SCAI: variants seen among roughly 807,000 people sequenced by gnomAD.
The protein encoded by SCAI is suppressor of cancer cell invasion.
In SCAI, 24 loss-of-function variants were observed where a neutral mutation model predicts 92.2. The ratio of observed to expected loss-of-function variants is 0.26; its 90% CI spans 0.19 to 0.37. SCAI has a LOEUF of 0.37. Ranked by LOEUF, SCAI falls within the 10% of genes least tolerant of loss-of-function variation. The pLI is 1.00. For missense variants in SCAI, 450 were observed against 736.2 expected (o/e 0.61, Z 4.50); for synonymous variants, 261 against 258.6 (o/e 1.01, Z -0.09).
At chr9:125,113,902 C>T (rs539587271) in intron 2 of SCAI, among the ~76,000 whole-genome samples, 1 of 152,042 alleles carries the variant, frequency 6.6e-6, no homozygotes, top group African/African-American at 2.4e-5. Context: ...GCGGAGTCTG[C>T]GGTGAGCCGA....
chr9:125,052,851 G>A (rs1407280540), intron 3 of SCAI, among the ~76,000 whole-genome samples: 1 of 140,344 alleles, frequency 7.1e-6, no homozygotes, highest in East Asian at 2.1e-4. Flanking sequence ...CCAACATTAG[G>A]GAAATTCAAA....
chr9:124,960,211 G>A (rs1022549868), intron 17 of SCAI, among the ~76,000 whole-genome samples: 12 of 152,096 alleles, frequency 7.9e-5, no homozygotes, highest in Admixed American at 3.9e-4. Flanking sequence ...AATAAAAAGC[G>A]GTTTTATTTC....
chr9:125,084,807 A>G (rs145768951), intron 2 of SCAI, among the ~76,000 whole-genome samples: 14 of 152,346 alleles, frequency 9.2e-5, no homozygotes, highest in Admixed American at 4.6e-4. Context: ...AAAAGGGGTT[A>G]TAACATGAGA....
chr9:125,057,332 G>C (rs1001124638), intron 2 of SCAI, among the ~76,000 whole-genome samples: 1 of 151,960 alleles, frequency 6.6e-6, no homozygotes, highest in African/African-American at 2.4e-5. Context: ...AGAAATGAGG[G>C]AAATCAACTG....
chr9:124,996,324 T>TG (rs1368756640), intron 13 of SCAI, among the ~76,000 whole-genome samples: 1 of 152,084 alleles, frequency 6.6e-6, no homozygotes, highest in Non-Finnish European at 1.5e-5. Context: ...TTGTTTGAGA[T>TG]GGGGTCTCAC....
At chr9:124,965,480 C>T (rs1293153169) in intron 17 of SCAI, among the ~76,000 whole-genome samples, 1 of 152,198 alleles carries the variant, frequency 6.6e-6, no homozygotes, top group Non-Finnish European at 1.5e-5. Context: ...GGTGATCCAC[C>T]CTCTGTGGCC....
rs769224359 is a variant in SCAI at position 124,971,768 on chromosome 9, C to T, written c.1476G>A (p.Leu492=). ...PLMAFLFVSG[L]SSMRRGLWEK... ...CCCATAGGCCTCTGCGCATGCTTGA[C>T]AATCCAGAGACAAATAGGAAGGCCA... Residue 492 remains leucine, a synonymous_variant, in exon 16 of 18, where the codon TTG becomes TTA. Coordinates refer to ENST00000336505, the MANE Select transcript of SCAI (RefSeq NM_001144877.3). 1 of 1,612,510 alleles carries T rather than the reference C, an allele frequency of 6.2e-7. No homozygotes were observed. The highest frequency in any genetic ancestry group is 8.5e-7 in the Non-Finnish European group (1 of 1,179,554).
In SCAI at chr9:124,944,129, G is replaced by A. The variant is rs960123001; in HGVS notation, c.*8678C>T. 1 of 152,094 alleles carries A rather than the reference G, an allele frequency of 6.6e-6. No homozygotes were observed. The highest frequency in any genetic ancestry group is 6.5e-5 in the Admixed American group (1 of 15,274). The allele number at this position is 152,094 out of a possible 1,614,324, so 9.4% of individuals were successfully genotyped here. A position where few individuals can be genotyped will look rare whatever the true frequency, so the allele number is the denominator to read the frequency against. ...AGGTTTATTAAAAATAAGCAAAAAA[G>A]TTGGAGAACTAGCCATATGGTCTAT... On this transcript the variant is annotated 3_prime_UTR_variant, in exon 18 of 18. Coordinates refer to ENST00000336505, the MANE Select transcript of SCAI (RefSeq NM_001144877.3).
At chr9:125,104,655 G>A (rs1267235272) in intron 2 of SCAI, among the ~76,000 whole-genome samples, 7 of 148,744 alleles carry the variant, frequency 4.7e-5, no homozygotes, top group African/African-American at 1.7e-4. Context: ...TGTAATCCCA[G>A]CACTTTGGGA....
At chr9:125,007,356 A>C (rs1043148100) in intron 9 of SCAI, among the ~76,000 whole-genome samples, 1 of 152,186 alleles carries the variant, frequency 6.6e-6, no homozygotes, top group African/African-American at 2.4e-5. Context: ...AACACAAATG[A>C]AGAAATAGAG....
chr9:125,003,944 G>A (rs1473193377), intron 9 of SCAI, among the ~76,000 whole-genome samples: 1 of 152,120 alleles, frequency 6.6e-6, no homozygotes, highest in Admixed American at 6.5e-5. Context: ...GGGAGGCCAA[G>A]GCAGGTGGAT....
At chr9:125,084,596 G>A (rs1834289507) in intron 2 of SCAI, among the ~76,000 whole-genome samples, 1 of 152,152 alleles carries the variant, frequency 6.6e-6, no homozygotes, top group African/African-American at 2.4e-5. Context: ...CAGAAAGGGA[G>A]CACTCTGGTT....
At chr9:125,061,214 A>G (rs947806726) in intron 2 of SCAI, among the ~76,000 whole-genome samples, 4 of 152,084 alleles carry the variant, frequency 2.6e-5, no homozygotes, top group African/African-American at 7.2e-5. Context: ...GGAAAATGGC[A>G]TGAACCCAGG....
At chr9:124,975,414 A>C (rs1383512760) in intron 15 of SCAI, 1 of 454,452 alleles carries the variant, frequency 2.2e-6, no homozygotes, top group Admixed American at 2.4e-5. Flanking sequence ...GGAGATAGTG[A>C]AACAGTGACA....
chr9:125,025,263 A>T (rs1194357843), intron 6 of SCAI, among the ~76,000 whole-genome samples: 1 of 152,210 alleles, frequency 6.6e-6, no homozygotes, highest in South Asian at 2.1e-4. Context: ...AGTTTTTGTC[A>T]TCCTGATTCC....
chr9:125,068,575 C>T (rs904940773), intron 2 of SCAI, among the ~76,000 whole-genome samples: 34 of 152,182 alleles, frequency 2.2e-4, no homozygotes, highest in Non-Finnish European at 2.4e-4. Flanking sequence ...CTAATCCCAG[C>T]ACTTTGGGAG....
At chr9:125,111,559 ATT>A (rs60793424) in intron 2 of SCAI, among the ~76,000 whole-genome samples, 47 of 147,194 alleles carry the variant, frequency 3.2e-4, no homozygotes, top group Non-Finnish European at 4.2e-4. Flanking sequence ...TTTTGTGAAA[ATT>A]TTTTTTTTTT....
At chr9:125,073,523 T>G (rs1323848469) in intron 2 of SCAI, among the ~76,000 whole-genome samples, 3 of 152,224 alleles carry the variant, frequency 2.0e-5, no homozygotes, top group South Asian at 2.1e-4. Context: ...ACTTGTTATT[T>G]TCTATTTATT....
intron 17 of SCAI, 161 bp downstream of exon 17, chr9:124,971,209 C>CTTT (rs1831651709): frequency 2.3e-6 from 1 of 433,206 alleles, no homozygotes; most frequent in East Asian, 3.7e-5. Flanking sequence ...TATTTTTTTA[C>CTTT]TTAGCAGACC....
Sources: gnomAD v4.1 joint callset for allele counts (sites outside exome capture counted in the v4.1 genomes callset) on GRCh38, gnomAD v4.1.1 for gene constraint, MANE v1.5 for transcripts, NCBI Gene and HGNC (gene_info 2026-07-23, HGNC 2026-07-21) for gene names.